ADCY2: variants seen among roughly 807,000 people sequenced by gnomAD.
ADCY2 encodes the protein adenylate cyclase type 2.
Under a neutral mutation model 125.2 loss-of-function variants are expected in ADCY2, and 31 were observed. That is an observed-to-expected ratio of 0.25 (90% CI 0.19 to 0.33). The LOEUF is 0.33. ADCY2 is among the 10% of genes least tolerant of loss of function. The pLI, the probability that ADCY2 is intolerant of heterozygous loss-of-function variation, is 1.00. For synonymous variants in ADCY2, 512 were observed against 548.4 expected (o/e 0.93, Z 0.93); for missense variants, 904 against 1,418.2 (o/e 0.64, Z 5.82).
chr5:7,535,817 C>T (rs1449193239), intron 3 of ADCY2, among the ~76,000 whole-genome samples: 2 of 152,166 alleles, frequency 1.3e-5, no homozygotes. Flanking sequence ...TGAACTGTTG[C>T]TAATGATATT....
In ADCY2 at chr5:7,596,278, C is replaced by A. The variant is rs1481146918; in HGVS notation, c.571-29889C>A. Among the ~76,000 whole-genome samples the A allele has an allele frequency of 4.0e-5, 6 of 151,312 alleles. No homozygotes were observed. In the South Asian group the frequency reaches 8.3e-4, roughly 21 times the overall value. ...CCCAAATGCCCGATCCAAAAACTCC[C>A]CCCCCCCACCAGTTAGCTCTGGGGT... On this transcript the variant is annotated intron_variant, in intron 3 of 24. Coordinates refer to ENST00000338316, the MANE Select transcript of ADCY2 (RefSeq NM_020546.3).
At chr5:7,449,469 A>G (rs1271776028) in intron 2 of ADCY2, among the ~76,000 whole-genome samples, 1 of 152,196 alleles carries the variant, frequency 6.6e-6, no homozygotes, top group African/African-American at 2.4e-5. Context: ...TCAGCCTGGT[A>G]CTTTTTAGTT....
At position 7,520,944 on chromosome 5, in the gene ADCY2, AC is replaced by A. The variant is rs766371255; in HGVS notation, c.570+47del. ...CATGGAGAATGACTTTCCACATCCC[AC>A]CAGGGGGTGAGGCAGGTGCTGCTGG... On this transcript the variant is annotated intron_variant, in intron 3 of 24. Coordinates refer to ENST00000338316, the MANE Select transcript of ADCY2 (RefSeq NM_020546.3). The A allele has an allele frequency of 1.9e-6, 3 of 1,607,266 alleles. No individual in the cohort carries two copies. In the East Asian group the frequency reaches 6.7e-5, roughly 36 times the overall value.
chr5:7,421,091 C>T lies in ADCY2; in HGVS notation c.408+6321C>T, dbSNP rs115591559. ...TAATTGCTGTGGCGCCCACCAGTCCCACCGGAAGGAACAGGGAAGCTTGGA... is the reference window on the plus strand; with the variant it reads ...TAATTGCTGTGGCGCCCACCAGTCCTACCGGAAGGAACAGGGAAGCTTGGA... On this transcript the variant is annotated intron_variant, in intron 2 of 24. Coordinates refer to ENST00000338316, the MANE Select transcript of ADCY2 (RefSeq NM_020546.3). Among the ~76,000 whole-genome samples, 718 of 152,224 alleles carry T rather than the reference C, an allele frequency of 4.7e-3. 8 individuals carry two copies. The highest frequency in any genetic ancestry group is 0.017 in the African/African-American group (697 of 41,518).
intron 4 of ADCY2, among the ~76,000 whole-genome samples, chr5:7,660,153 C>A (rs114520482): frequency 7.2e-6 from 1 of 139,548 alleles, no homozygotes; most frequent in East Asian, 2.3e-4. Flanking sequence ...ACCCATTTAA[C>A]AAATCTGTAC....
At chr5:7,573,189 C>A (rs749419810) in intron 3 of ADCY2, among the ~76,000 whole-genome samples, 12 of 152,108 alleles carry the variant, frequency 7.9e-5, no homozygotes, top group Non-Finnish European at 1.5e-4. Context: ...TTTATTCTAC[C>A]TAGTCTGTGG....
At chr5:7,399,754 G>A (rs1411486959) in intron 1 of ADCY2, among the ~76,000 whole-genome samples, 1 of 152,138 alleles carries the variant, frequency 6.6e-6, no homozygotes, top group East Asian at 1.9e-4. Flanking sequence ...TGAAAAATCT[G>A]ATTTATAATT....
chr5:7,525,381 G>T (rs1734423340), intron 3 of ADCY2, among the ~76,000 whole-genome samples: 2 of 152,104 alleles, frequency 1.3e-5, no homozygotes, highest in Admixed American at 1.3e-4. Context: ...TGGCCTCTGT[G>T]TCCTCTTGAC....
intron 14 of ADCY2, among the ~76,000 whole-genome samples, chr5:7,737,170 G>A (rs1032336352): frequency 6.6e-6 from 1 of 152,084 alleles, no homozygotes; most frequent in Non-Finnish European, 1.5e-5. Context: ...ATTGTCTTAG[G>A]TATTTCCGAA....
intron 2 of ADCY2, among the ~76,000 whole-genome samples, chr5:7,503,037 G>A (rs2126506831): frequency 6.6e-6 from 1 of 152,274 alleles, no homozygotes; most frequent in East Asian, 1.9e-4. Context: ...GCCTACTGCA[G>A]CCCCAGCTCC....
chr5:7,537,721 C>T (rs1734860369), intron 3 of ADCY2, among the ~76,000 whole-genome samples: 1 of 152,214 alleles, frequency 6.6e-6, no homozygotes, highest in South Asian at 2.1e-4. Context: ...CTAGTACCTG[C>T]AGAACAAAGT....
intron 4 of ADCY2, among the ~76,000 whole-genome samples, chr5:7,644,707 A>C (rs1738837004): frequency 6.6e-6 from 1 of 151,130 alleles, no homozygotes; most frequent in Admixed American, 6.6e-5. Flanking sequence ...CAAACTCTAA[A>C]CCTCCCTTTT....
At chr5:7,589,458 A>AAAGAAAGAAAGAAAG (rs1554022169) in intron 3 of ADCY2, among the ~76,000 whole-genome samples, 1 of 72,932 alleles carries the variant, frequency 1.4e-5, no homozygotes, top group African/African-American at 5.1e-5. Context: ...GAAGGAAAGA[A>AAAGAAAGAAAGAAAG]AAAGAAAGAA....
At chr5:7,651,153 G>A (rs139703070) in intron 4 of ADCY2, among the ~76,000 whole-genome samples, 8 of 152,306 alleles carry the variant, frequency 5.3e-5, no homozygotes, top group Middle Eastern at 3.4e-3. Context: ...TCCAGCAAGC[G>A]TATCCGAGGC....
chr5:7,657,367 GAATGTGTAGATTAGGGC>G (rs1429320631), intron 4 of ADCY2, among the ~76,000 whole-genome samples: 1 of 152,220 alleles, frequency 6.6e-6, no homozygotes, highest in Non-Finnish European at 1.5e-5. Flanking sequence ...TGCGTATGCA[GAATGTGTAGATTAGGGC>G]AATGTGTAGA....
chr5:7,772,993 A>G lies in ADCY2; in HGVS notation c.2276A>G (p.Tyr759Cys), dbSNP rs1191187300. Residue 759 changes from tyrosine to cysteine, a missense_variant, in exon 18 of 25, where the codon TAT becomes TGT. Tyr to Cys is a radical substitution (Grantham distance 194). This residue lies in a region of ADCY2 where 221 missense variants were observed against 246.2 expected (regional missense o/e 0.90). Coordinates refer to ENST00000338316, the MANE Select transcript of ADCY2 (RefSeq NM_020546.3). Reference protein sequence around the residue: ...ISCSVFLRVNYELKMLIMMVA... With the variant: ...ISCSVFLRVNCELKMLIMMVA... Reference sequence around the variant, plus strand: ...TGTTCCGTGTTCCTGCGGGTAAACTATGAGCTGAAGATGTTGATCATGATG... The same window carrying G: ...TGTTCCGTGTTCCTGCGGGTAAACTGTGAGCTGAAGATGTTGATCATGATG... The G allele has an allele frequency of 1.9e-6, 3 of 1,614,186 alleles. No homozygotes were observed. Among genetic ancestry groups the G allele is most frequent in the Non-Finnish European group, 2.5e-6 (3 of 1,180,028 alleles).
chr5:7,658,634 G>C (rs978235471), intron 4 of ADCY2, among the ~76,000 whole-genome samples: 2 of 152,092 alleles, frequency 1.3e-5, no homozygotes, highest in Non-Finnish European at 2.9e-5. Flanking sequence ...ATCTAAGGAA[G>C]CAGAAGGATT....
At chr5:7,788,009 T>A (rs1414447112) in intron 19 of ADCY2, among the ~76,000 whole-genome samples, 1 of 150,414 alleles carries the variant, frequency 6.6e-6, no homozygotes, top group Non-Finnish European at 1.5e-5. Flanking sequence ...GTTGCATCTA[T>A]CGTTTTAGTT....
Position 7,626,238 on chromosome 5 carries a change from C to A in ADCY2, c.642C>A (p.Leu214=). Residue 214 remains leucine, a synonymous_variant, in exon 4 of 25, where the codon CTC becomes CTA. Transcript: ENST00000338316. ...AGAYHKHLME[L]ALQQTYQDTC... Reference sequence around the variant, plus strand: ...CCTACCATAAGCACCTCATGGAACTCGCTCTTCAGCAAACATATCAGGACA... The same window carrying A: ...CCTACCATAAGCACCTCATGGAACTAGCTCTTCAGCAAACATATCAGGACA... 6.2e-7 allele frequency: 1 copy of A among 1,614,130 alleles called. No individual in the cohort carries two copies. The highest frequency in any genetic ancestry group is 8.5e-7 in the Non-Finnish European group (1 of 1,179,990).
Sources: allele counts gnomAD v4.1 joint callset (sites outside exome capture counted in the v4.1 genomes callset), GRCh38; gene constraint gnomAD v4.1.1; regional missense constraint gnomAD v4.1.1; transcripts MANE v1.5; gene names NCBI Gene and HGNC (gene_info 2026-07-23, HGNC 2026-07-21).